SHQ1: variants seen among roughly 807,000 people sequenced by gnomAD.
The protein encoded by SHQ1 is SHQ1, H/ACA ribonucleoprotein assembly factor.
SHQ1 carries 49 observed loss-of-function variants against 53.8 expected under a neutral mutation model. The observed-to-expected ratio is 0.91, with a 90% confidence interval of 0.72 to 1.16. The LOEUF (loss-of-function observed/expected upper bound fraction) is 1.16. SHQ1 is among the 50% of genes most tolerant of loss of function. The probability of loss-of-function intolerance (pLI) is 0.00; values close to 1 mark genes in which losing one functional copy is unlikely to be tolerated. For synonymous variants in SHQ1, 243 were observed against 251.0 expected (o/e 0.97, Z 0.30); for missense variants, 738 against 683.1 (o/e 1.08, Z -0.90).
At chr3:72,773,852 C>A (rs1705904293) in intron 10 of SHQ1, among the ~76,000 whole-genome samples, 1 of 152,180 alleles carries the variant, frequency 6.6e-6, no homozygotes. Flanking sequence ...GAAGTCACAA[C>A]TGGTTCCCAA....
chr3:72,751,529 T>TACAC (rs1467497305), intron 10 of SHQ1, among the ~76,000 whole-genome samples: 1 of 137,994 alleles, frequency 7.2e-6, no homozygotes, highest in African/African-American at 2.9e-5. Context: ...TATATATATA[T>TACAC]ACATATACAT....
rs146320448 is a variant in SHQ1, at chr3:72,749,530, C to A, written c.*754G>T. On this transcript the variant is annotated 3_prime_UTR_variant, in exon 11 of 11. Transcript: ENST00000325599. ...AATTTACATAGAATTCTAGGACATG[C>A]AAACTAATAACAGGGCACAAGGGCA... is the stretch of plus-strand genomic sequence containing the variant. 19 of 220,002 alleles carry A rather than the reference C, an allele frequency of 8.6e-5. No individual in the cohort carries two copies. The highest frequency in any genetic ancestry group is 1.6e-4 in the Non-Finnish European group (18 of 109,728). The allele number at this position is 220,002 out of a possible 1,614,324, so 13.6% of individuals were successfully genotyped here.
chr3:72,817,230 A>T lies in SHQ1; in HGVS notation c.882T>A (p.Asn294Lys). The T allele has an allele frequency of 6.2e-7, 1 of 1,612,062 alleles. No homozygotes were observed. Among genetic ancestry groups the T allele is most frequent in the East Asian group, 2.2e-5 (1 of 44,858 alleles). ...AACATGCACACATACATGCACTTAC[A>T]TTCTTCTCTCCTTCAGTGACACGGG... ...YETRVTEGEK[N>K]VESAWNIRKL... Residue 294 changes from asparagine (N) to lysine (K), a missense_variant and splice_region_variant, in exon 7 of 11, where the codon AAT becomes AAA. Asn to Lys is a moderately conservative substitution (Grantham distance 94). Coordinates refer to ENST00000325599, the MANE Select transcript of SHQ1 (RefSeq NM_018130.3).
the SHQ1 span, among the ~76,000 whole-genome samples, chr3:72,733,174 CATT>C: frequency 1.3e-5 from 2 of 151,596 alleles, no homozygotes; most frequent in Non-Finnish European, 2.9e-5. Context: ...ATGGATGAGA[CATT>C]ATCAACATGG....
chr3:72,811,514 T>C (rs1274043959), intron 9 of SHQ1, among the ~76,000 whole-genome samples: 2 of 152,214 alleles, frequency 1.3e-5, no homozygotes, highest in Non-Finnish European at 2.9e-5. Flanking sequence ...TTCTCAATGA[T>C]AGCTCTTTCA....
intron 9 of SHQ1, among the ~76,000 whole-genome samples, chr3:72,804,280 T>G (rs557192616): frequency 2.0e-5 from 3 of 152,100 alleles, no homozygotes; most frequent in Non-Finnish European, 4.4e-5. Context: ...TAAACACTTA[T>G]ATTTTGTTTT....
At chr3:72,764,900 T>A (rs1308975960) in intron 10 of SHQ1, among the ~76,000 whole-genome samples, 1 of 152,174 alleles carries the variant, frequency 6.6e-6, no homozygotes, top group Non-Finnish European at 1.5e-5. Flanking sequence ...TGGTGGGAGG[T>A]TCCCCCTGTT....
Position 72,750,570 on chromosome 3 carries a change from C to T in SHQ1, c.1448G>A (p.Ser483Asn), listed in dbSNP as rs529654910. The T allele has an allele frequency of 8.5e-5, 138 of 1,614,246 alleles. 2 individuals are homozygous for T. In the South Asian group the frequency reaches 1.5e-3, roughly 17 times the overall value. ...CAAAGAACTGACTGTCTCAGATGGACTATCTTTGAGTTCATCTTGTTCTGA... is the reference window on the plus strand; with the variant it reads ...CAAAGAACTGACTGTCTCAGATGGATTATCTTTGAGTTCATCTTGTTCTGA... ...SDSEQDELKD[S>N]PSETVSSLQG... is the part of the protein sequence containing the mutation. Residue 483 changes from serine (S) to asparagine (N), a missense_variant, in exon 11 of 11, where the codon AGT (serine) becomes AAT (asparagine). Coordinates refer to ENST00000325599, the MANE Select transcript of SHQ1 (RefSeq NM_018130.3).
At chr3:72,826,798 G>GA (rs759958104) in intron 5 of SHQ1, among the ~76,000 whole-genome samples, 1 of 152,054 alleles carries the variant, frequency 6.6e-6, no homozygotes, top group Non-Finnish European at 1.5e-5. Flanking sequence ...ACATTTAAGG[G>GA]AAAAAAAGTT....
intron 10 of SHQ1, among the ~76,000 whole-genome samples, chr3:72,761,453 T>A (rs1454023744): frequency 6.6e-6 from 1 of 152,208 alleles, no homozygotes; most frequent in Non-Finnish European, 1.5e-5. Flanking sequence ...ATTATAGGCA[T>A]AAGCTACTGC....
intron 9 of SHQ1, among the ~76,000 whole-genome samples, chr3:72,811,934 G>A (rs1707136536): frequency 6.6e-6 from 1 of 152,170 alleles, no homozygotes; most frequent in Non-Finnish European, 1.5e-5. Context: ...TACTAAAAGT[G>A]ACTTTTAAAT....
the SHQ1 span, among the ~76,000 whole-genome samples, chr3:72,729,723 A>G: frequency 6.6e-6 from 1 of 152,278 alleles, no homozygotes; most frequent in East Asian, 1.9e-4. Context: ...ATAGCATTAT[A>G]CAGTGAAGGA....
At chr3:72,738,883 G>C in the SHQ1 span, among the ~76,000 whole-genome samples, 1 of 152,070 alleles carries the variant, frequency 6.6e-6, no homozygotes, top group African/African-American at 2.4e-5. Flanking sequence ...CGCACGCGCA[G>C]TGGCCCCACC....
intron 10 of SHQ1, among the ~76,000 whole-genome samples, chr3:72,778,417 C>G (rs1300069250): frequency 6.6e-6 from 1 of 151,570 alleles, no homozygotes; most frequent in Admixed American, 6.6e-5. Flanking sequence ...TCACTGCACT[C>G]CAGCCTGGGT....
chr3:72,750,391 C>T lies in SHQ1; in HGVS notation c.1627G>A (p.Gly543Arg), dbSNP rs1442437763. 3 of 1,614,156 alleles carry T rather than the reference C, an allele frequency of 1.9e-6. No homozygotes were observed. Among genetic ancestry groups the T allele is most frequent in the Non-Finnish European group, 8.5e-7 (1 of 1,180,016 alleles). Residue 543 changes from glycine to arginine, a missense_variant, in exon 11 of 11, where the codon GGG (glycine) becomes AGG (arginine). Physicochemically the swap from Gly to Arg is moderately radical, Grantham distance 125 (BLOSUM62 -2). Coordinates refer to ENST00000325599, the MANE Select transcript of SHQ1 (RefSeq NM_018130.3). Reference protein sequence around the residue: ...GVSGPLIEELGEQLKTTVQVS... With the variant: ...GVSGPLIEELREQLKTTVQVS... ...TGAACTGTAGTCTTCAGTTGTTCCC[C>T]AAGCTCCTCTATCAGAGGCCCAGAC...
chr3:72,823,712 TG>T (rs1707557898), intron 6 of SHQ1, among the ~76,000 whole-genome samples: 1 of 152,236 alleles, frequency 6.6e-6, no homozygotes, highest in South Asian at 2.1e-4. Flanking sequence ...ACTGTTTAGA[TG>T]TGGGAATATA....
At chr3:72,805,235 T>C (rs949383404) in intron 9 of SHQ1, among the ~76,000 whole-genome samples, 2 of 152,242 alleles carry the variant, frequency 1.3e-5, no homozygotes, top group African/African-American at 4.8e-5. Flanking sequence ...ACCACTGTTG[T>C]ACATGTGGTC....
At chr3:72,822,018 C>T (rs778801665) in intron 6 of SHQ1, among the ~76,000 whole-genome samples, 2 of 152,140 alleles carry the variant, frequency 1.3e-5, no homozygotes, top group Non-Finnish European at 2.9e-5. Flanking sequence ...TTTTACTCTA[C>T]AATAATAATT....
At position 72,831,635 on chromosome 3, in the gene SHQ1, T is replaced by C. The variant is rs374061581; in HGVS notation, c.599+734A>G. 3.3e-5 allele frequency among the ~76,000 whole-genome samples: 5 copies of C among 152,320 alleles called. No individual in the cohort carries two copies. In the East Asian group the frequency reaches 9.7e-4, roughly 29 times the overall value. On this transcript the variant is annotated intron_variant, in intron 5 of 10. Coordinates refer to ENST00000325599, the MANE Select transcript of SHQ1 (RefSeq NM_018130.3). ...CTACATCAACATAAAACCCTCATTCTCCACGCATCCTAGCAGAGCCACATG... is the reference window on the plus strand; with the variant it reads ...CTACATCAACATAAAACCCTCATTCCCCACGCATCCTAGCAGAGCCACATG...
Sources: gnomAD v4.1 joint callset for allele counts (sites outside exome capture counted in the v4.1 genomes callset) on GRCh38, gnomAD v4.1.1 for gene constraint, MANE v1.5 for transcripts, NCBI Gene and HGNC (gene_info 2026-07-23, HGNC 2026-07-21) for gene names.